Variants in RIC8B observed in about 807,000 individuals in gnomAD.
The protein encoded by RIC8B is RIC8 guanine nucleotide exchange factor B.
Under a neutral mutation model 57.5 loss-of-function variants are expected in RIC8B, and 16 were observed. That is an observed-to-expected ratio of 0.28 (90% CI 0.19 to 0.42). The LOEUF (loss-of-function observed/expected upper bound fraction) is 0.42, where lower values mean the gene tolerates loss of function less well. Among genes scored for constraint, RIC8B ranks in the 10% least tolerant of loss-of-function variants. RIC8B has a pLI of 1.00. For synonymous variants in RIC8B, 216 were observed against 250.8 expected (o/e 0.86, Z 1.31); for missense variants, 481 against 677.0 (o/e 0.71, Z 3.21).
chr12:106,785,511 T>G (rs2043962940), intron 2 of RIC8B, among the ~76,000 whole-genome samples: 1 of 152,214 alleles, frequency 6.6e-6, no homozygotes, highest in African/African-American at 2.4e-5. Context: ...CTTTATACAC[T>G]TGACATTTGG....
intron 4 of RIC8B, among the ~76,000 whole-genome samples, chr12:106,830,523 C>T (rs1212309863): frequency 6.6e-6 from 1 of 152,072 alleles, no homozygotes; most frequent in Non-Finnish European, 1.5e-5. Context: ...TATAGTTGTA[C>T]AGAAAAGGAT....
intron 9 of RIC8B, among the ~76,000 whole-genome samples, chr12:106,885,642 A>C (rs1307879690): frequency 6.6e-6 from 1 of 151,094 alleles, no homozygotes; most frequent in Non-Finnish European, 1.5e-5. Context: ...GAGCCCATTT[A>C]GACCTTGACT....
chr12:106,809,105 G>A (rs982040419), intron 2 of RIC8B, among the ~76,000 whole-genome samples: 16 of 152,074 alleles, frequency 1.1e-4, no homozygotes, highest in Non-Finnish European at 2.2e-4. Context: ...ACAATAAATC[G>A]GAGACAGCTA....
At chr12:106,872,802 C>T (rs1031349660) in intron 9 of RIC8B, among the ~76,000 whole-genome samples, 1 of 152,046 alleles carries the variant, frequency 6.6e-6, no homozygotes. Flanking sequence ...CATATTCTGA[C>T]CAACAACATG....
At chr12:106,875,898 A>G (rs1275345620) in intron 9 of RIC8B, among the ~76,000 whole-genome samples, 1 of 152,132 alleles carries the variant, frequency 6.6e-6, no homozygotes, top group Non-Finnish European at 1.5e-5. Flanking sequence ...TTTTAAACTG[A>G]CTAAGGCTGA....
chr12:106,780,311 A>C (rs2043708550), intron 1 of RIC8B, among the ~76,000 whole-genome samples: 3 of 152,104 alleles, frequency 2.0e-5, no homozygotes, highest in African/African-American at 7.2e-5. Flanking sequence ...GAAGTATGGC[A>C]AGTTTTTGGC....
At chr12:106,810,077 T>C (rs186453849) in intron 2 of RIC8B, among the ~76,000 whole-genome samples, 2 of 150,902 alleles carry the variant, frequency 1.3e-5, no homozygotes, top group African/African-American at 2.4e-5. Context: ...TAAAACATAA[T>C]AGTAGTCACC....
intron 3 of RIC8B, among the ~76,000 whole-genome samples, chr12:106,824,907 C>CA (rs975951710): frequency 0.011 from 1,574 of 140,384 alleles, 23 homozygotes; most frequent in Non-Finnish European, 0.014. Context: ...AACTCCATCT[C>CA]AAAAAAAAAA....
chr12:106,866,174 GT>G (rs1461955499), intron 8 of RIC8B, among the ~76,000 whole-genome samples: 1 of 142,646 alleles, frequency 7.0e-6, no homozygotes, highest in South Asian at 2.2e-4. Flanking sequence ...AGGAGTTTTT[GT>G]TTTTTTGTTT....
chr12:106,888,494 C>G lies in RIC8B; in HGVS notation c.*2479C>G, dbSNP rs1951273443. 2 of 152,800 alleles carry G rather than the reference C, an allele frequency of 1.3e-5. No individual in the cohort carries two copies. The highest frequency in any genetic ancestry group is 4.8e-5 in the African/African-American group (2 of 41,460). 9.5% of individuals were successfully genotyped at this position (152,800 alleles called of 1,614,324 possible). On this transcript the variant is annotated 3_prime_UTR_variant, in exon 10 of 10. Coordinates refer to ENST00000392837, the MANE Select transcript of RIC8B (RefSeq NM_001330145.2). ...AGAGTCCAACTCTGGTGGCCTGACT[C>G]CCAGCACCACTCCTTCCTTTTCCCC... is the stretch of plus-strand genomic sequence containing the variant.
chr12:106,775,055 G>C, intron 1 of RIC8B: 1 of 551,996 alleles, frequency 1.8e-6, no homozygotes, highest in African/African-American at 1.9e-5. Context: ...TCCTGGCCCA[G>C]CAGCTTGACC....
At chr12:106,791,440 T>G (rs3782708) in intron 2 of RIC8B, among the ~76,000 whole-genome samples, 2,829 of 152,336 alleles carry the variant, frequency 0.019, 49 homozygotes, top group Middle Eastern at 0.048. Flanking sequence ...TCAAATCATG[T>G]ATTTTCTCTA....
chr12:106,782,672 T>C (rs1294820417), intron 1 of RIC8B, among the ~76,000 whole-genome samples: 2 of 151,990 alleles, frequency 1.3e-5, no homozygotes, highest in Admixed American at 1.3e-4. Context: ...AAATGGCCAC[T>C]CTCTCCTACC....
intron 9 of RIC8B, among the ~76,000 whole-genome samples, chr12:106,882,458 A>C (rs1003612897): frequency 6.6e-6 from 1 of 152,142 alleles, no homozygotes. Context: ...TGTACAATTC[A>C]CAACTCTTTG....
Position 106,867,004 on chromosome 12 carries a change from G to A in RIC8B, c.1452-3819G>A, listed in dbSNP as rs1950169423. ...CCAACTCCTGTAGGTTGACTTTAGA[G>A]TTCCTTTTTTAACCACAATGCTTTG... On this transcript the variant is annotated intron_variant, in intron 8 of 9. Transcript: ENST00000392837. This position sits in a 1 kb window ranked among gnomAD's most constrained non-coding sequence, Gnocchi z 4.3. Among the ~76,000 whole-genome samples, 1 of 152,182 alleles carries A rather than the reference G, an allele frequency of 6.6e-6. No homozygotes were observed. Among genetic ancestry groups the A allele is most frequent in the African/African-American group, 2.4e-5 (1 of 41,436 alleles).
At chr12:106,819,715 G>A (rs944731578) in intron 3 of RIC8B, among the ~76,000 whole-genome samples, 7 of 144,630 alleles carry the variant, frequency 4.8e-5, no homozygotes, top group Middle Eastern at 3.9e-3. Flanking sequence ...CCGCATTCCC[G>A]CCTGGGTAAC....
chr12:106,813,825 A>G (rs2045451132), intron 2 of RIC8B, among the ~76,000 whole-genome samples: 1 of 152,222 alleles, frequency 6.6e-6, no homozygotes, highest in South Asian at 2.1e-4. Context: ...CCTCACATAT[A>G]AGGGTAAGCT....
chr12:106,878,025 G>A lies in RIC8B; in HGVS notation c.1571+7083G>A, dbSNP rs192636584. ...TTGTCTTGGGTAACAATATTTTTAT[G>A]TTGCATATTTTACTTTCCCAATTGT... On this transcript the variant is annotated intron_variant, in intron 9 of 9. Coordinates refer to ENST00000392837, the MANE Select transcript of RIC8B (RefSeq NM_001330145.2). Among the ~76,000 whole-genome samples, 210 of 152,176 alleles carry A rather than the reference G, an allele frequency of 1.4e-3. 4 individuals are homozygous for A. Among genetic ancestry groups the A allele is most frequent in the Admixed American group, 5.4e-3 (82 of 15,280 alleles).
At chr12:106,811,080 G>A (rs1306156381) in intron 2 of RIC8B, among the ~76,000 whole-genome samples, 1 of 152,198 alleles carries the variant, frequency 6.6e-6, no homozygotes, top group African/African-American at 2.4e-5. Context: ...CAAGTAATAT[G>A]CCTCACACCT....
Sources: allele counts gnomAD v4.1 joint callset (sites outside exome capture counted in the v4.1 genomes callset), GRCh38; gene constraint gnomAD v4.1.1; non-coding constraint Gnocchi (gnomAD v3.1); transcripts MANE v1.5; gene names NCBI Gene and HGNC (gene_info 2026-07-23, HGNC 2026-07-21).